Variants in STK32B observed in about 807,000 individuals in gnomAD.
The protein encoded by STK32B is serine/threonine-protein kinase 32B.
A neutral mutation model predicts 52.6 loss-of-function variants in STK32B; 43 were observed. That is an observed-to-expected ratio of 0.82 (90% CI 0.64 to 1.05). STK32B has a LOEUF of 1.05. Among genes scored for constraint, STK32B ranks in the 50% least tolerant of loss-of-function variants. The pLI, the probability that STK32B is intolerant of heterozygous loss-of-function variation, is 0.00. For missense variants in STK32B, 621 were observed against 534.6 expected (o/e 1.16, Z -1.59); for synonymous variants, 238 against 204.3 (o/e 1.17, Z -1.41).
At chr4:5,024,754 C>G in the STK32B span, among the ~76,000 whole-genome samples, 1 of 152,164 alleles carries the variant, frequency 6.6e-6, no homozygotes. Flanking sequence ...TAGAGCAAGC[C>G]AGAGTATTGG....
At chr4:5,028,941 G>A in the STK32B span, among the ~76,000 whole-genome samples, 2 of 152,206 alleles carry the variant, frequency 1.3e-5, no homozygotes, top group Non-Finnish European at 2.9e-5. Context: ...GAAGGCAAAG[G>A]GGAGCACATC....
intron 4 of STK32B, among the ~76,000 whole-genome samples, chr4:5,383,256 C>A (rs942093130): frequency 6.6e-6 from 1 of 152,122 alleles, no homozygotes; most frequent in African/African-American, 2.4e-5. Context: ...TCATGCTGTG[C>A]CTCAAGAGGT....
chr4:5,417,591 C>A (rs1354578018), intron 6 of STK32B, among the ~76,000 whole-genome samples: 1 of 152,154 alleles, frequency 6.6e-6, no homozygotes, highest in Admixed American at 6.5e-5. Flanking sequence ...TTTCTGAAAT[C>A]ATTTTCCCTT....
At position 5,378,101 on chromosome 4, in the gene STK32B, C is replaced by T. The variant is rs1735695835; in HGVS notation, c.435-20106C>T. 6.6e-6 allele frequency among the ~76,000 whole-genome samples: 1 copy of T among 152,140 alleles called. No homozygotes were observed. The highest frequency in any genetic ancestry group is 2.4e-5 in the African/African-American group (1 of 41,426). ...ATAGTACCAAGTTGAGACATTCTTC[C>T]TGACATAATTAGGAAAATTAAAAAG... On this transcript the variant is annotated intron_variant, in intron 4 of 11. Coordinates refer to ENST00000282908, the MANE Select transcript of STK32B (RefSeq NM_018401.3). This position sits in a 1 kb window ranked among gnomAD's most constrained non-coding sequence, Gnocchi z 4.4.
intron 3 of STK32B, among the ~76,000 whole-genome samples, chr4:5,257,690 C>A (rs1726420114): frequency 6.6e-6 from 1 of 152,238 alleles, no homozygotes; most frequent in South Asian, 2.1e-4. Context: ...CCTGTGTAAT[C>A]CCAGCACTTT....
intron 3 of STK32B, among the ~76,000 whole-genome samples, chr4:5,270,007 CAT>C (rs1248293914): frequency 2.6e-5 from 4 of 152,104 alleles, no homozygotes; most frequent in Non-Finnish European, 5.9e-5. Context: ...AGAGAAAAGT[CAT>C]GTGATCATCT....
intron 3 of STK32B, among the ~76,000 whole-genome samples, chr4:5,177,336 C>G (rs536805377): frequency 6.6e-6 from 1 of 152,264 alleles, no homozygotes; most frequent in East Asian, 1.9e-4. Context: ...TATGAGAACT[C>G]AGTATCACCA....
intron 3 of STK32B, among the ~76,000 whole-genome samples, chr4:5,203,618 A>G (rs543965996): frequency 1.3e-5 from 2 of 152,266 alleles, no homozygotes; most frequent in African/African-American, 4.8e-5. Context: ...TTACTCTGTT[A>G]TGTCCTCAGT....
intron 1 of STK32B, among the ~76,000 whole-genome samples, chr4:5,102,486 TTCCTTCCC>T (rs1177671075): frequency 1.5e-3 from 147 of 96,288 alleles, no homozygotes; most frequent in African/African-American, 5.2e-3. Context: ...CCTTCCTTCC[TTCCTTCCC>T]TCCCTCCCTC....
Position 5,453,224 on chromosome 4 carries a change from G to GGA in STK32B, c.667-3563_667-3562dup, listed in dbSNP as rs34791116. Among the ~76,000 whole-genome samples, 14,168 of 150,584 alleles carry GGA rather than the reference G, an allele frequency of 0.094. 1,032 individuals carry two copies. The highest frequency in any genetic ancestry group is 0.4 in the East Asian group (2,061 of 5,108). On this transcript the variant is annotated intron_variant, in intron 7 of 11. Transcript: ENST00000282908. This position sits in a 1 kb window ranked among gnomAD's most constrained non-coding sequence, Gnocchi z 4.0. The stretch of plus-strand genomic sequence containing the variant: ...AAGGAGAGAGAATTACAGAGATTAG[G>GGA]GAGAGAGAGAGAGAGAGAGAGTAGC...
Position 5,168,305 on chromosome 4 carries a change from A to G in STK32B, c.115A>G (p.Ile39Val), listed in dbSNP as rs750791100. Reference sequence around the variant, plus strand: ...TCCTTTGGCTGTCGCTCAGGTATGCATCGTGCAGAAGCGAGACACTAAGAA... The same window carrying G: ...TCCTTTGGCTGTCGCTCAGGTATGCGTCGTGCAGAAGCGAGACACTAAGAA... ...IGKGSFGKVC[I>V]VQKRDTKKMY... Residue 39 changes from isoleucine to valine, a missense_variant, in exon 3 of 12, where the codon ATC becomes GTC. Physicochemically the swap from Ile to Val is conservative, Grantham distance 29. Transcript: ENST00000282908. 6.8e-6 allele frequency: 11 copies of G among 1,613,526 alleles called. No individual in the cohort carries two copies. The South Asian group carries it at 9.9e-5, about 15-fold the overall frequency.
At chr4:5,213,466 C>A (rs1267616456) in intron 3 of STK32B, among the ~76,000 whole-genome samples, 1 of 152,218 alleles carries the variant, frequency 6.6e-6, no homozygotes. Flanking sequence ...AACCCCACTT[C>A]CTTTTAGCTT....
chr4:5,414,685 A>G (rs928248531), intron 5 of STK32B, among the ~76,000 whole-genome samples: 1 of 152,268 alleles, frequency 6.6e-6, no homozygotes, highest in Non-Finnish European at 1.5e-5. Flanking sequence ...CCCCATATAT[A>G]TGGATATACA....
At chr4:5,466,477 CAG>C (rs1378137965) in intron 9 of STK32B, among the ~76,000 whole-genome samples, 1 of 152,126 alleles carries the variant, frequency 6.6e-6, no homozygotes, top group East Asian at 1.9e-4. Context: ...TGGATGTTAA[CAG>C]GAGTGCGGTT....
At chr4:5,313,367 A>G (rs1390975938) in intron 3 of STK32B, among the ~76,000 whole-genome samples, 1 of 152,036 alleles carries the variant, frequency 6.6e-6, no homozygotes, top group Middle Eastern at 3.2e-3. Flanking sequence ...CTCTCAGGCA[A>G]CTAGAAAAAG....
At chr4:5,046,561 A>G (rs999659436), upstream of STK32B, among the ~76,000 whole-genome samples, 1 of 152,218 alleles carries the variant, frequency 6.6e-6, no homozygotes, top group East Asian at 1.9e-4. Flanking sequence ...AACCTACAGA[A>G]TAGGAGAACA....
At chr4:5,200,970 G>A (rs939424955) in intron 3 of STK32B, among the ~76,000 whole-genome samples, 4 of 152,176 alleles carry the variant, frequency 2.6e-5, no homozygotes, top group Non-Finnish European at 4.4e-5. Context: ...CTTATTGGAT[G>A]GGCGGAGGAA....
intron 1 of STK32B, among the ~76,000 whole-genome samples, chr4:5,078,155 G>T (rs902502977): frequency 2.0e-5 from 3 of 152,002 alleles, no homozygotes; most frequent in African/African-American, 7.2e-5. Flanking sequence ...TTTTATAAGG[G>T]GGCACAATAC....
At chr4:5,284,748 A>G (rs1435102192) in intron 3 of STK32B, among the ~76,000 whole-genome samples, 1 of 152,174 alleles carries the variant, frequency 6.6e-6, no homozygotes, top group Non-Finnish European at 1.5e-5. Flanking sequence ...ATATGATACT[A>G]ATCATCTCCA....
Sources: gnomAD v4.1 joint callset for allele counts (sites outside exome capture counted in the v4.1 genomes callset) on GRCh38, gnomAD v4.1.1 for gene constraint, Gnocchi (gnomAD v3.1) non-coding constraint, MANE v1.5 for transcripts, NCBI Gene and HGNC (gene_info 2026-07-23, HGNC 2026-07-21) for gene names.